Variants in SEC14L5 observed in about 807,000 individuals in gnomAD.
SEC14L5 encodes the protein SEC14-like protein 5.
Under a neutral mutation model 84.6 loss-of-function variants are expected in SEC14L5, and 96 were observed. The ratio of observed to expected loss-of-function variants is 1.13; its 90% CI spans 0.96 to 1.34. The LOEUF is 1.34. Ranked by LOEUF, SEC14L5 falls within the 40% of genes most tolerant of loss-of-function variation. The pLI, the probability that SEC14L5 is intolerant of heterozygous loss-of-function variation, is 0.00. For synonymous variants in SEC14L5, 546 were observed against 383.4 expected, an observed-to-expected ratio of 1.42 and a Z score of -4.95; for missense variants, 1,224 against 942.5, an observed-to-expected ratio of 1.30 and a Z score of -3.91.
At chr16:5,004,403 G>C (rs2142524259) in intron 11 of SEC14L5, among the ~76,000 whole-genome samples, 1 of 152,306 alleles carries the variant, frequency 6.6e-6, no homozygotes, top group Admixed American at 6.5e-5. Flanking sequence ...ACATCAGCCG[G>C]GGTCCTGGCT....
At chr16:4,979,236 T>C (rs1955389547) in intron 2 of SEC14L5, among the ~76,000 whole-genome samples, 1 of 152,074 alleles carries the variant, frequency 6.6e-6, no homozygotes, top group Non-Finnish European at 1.5e-5. Flanking sequence ...TGTGGGAGTG[T>C]CTTGAGTGTT....
chr16:5,003,229 C>G (rs904317412), intron 10 of SEC14L5, among the ~76,000 whole-genome samples, 173 bp from the exon 11 acceptor site: 4 of 152,252 alleles, frequency 2.6e-5, no homozygotes, highest in Non-Finnish European at 4.4e-5. Context: ...GCGCTCAGCC[C>G]TGAAGTCCAC....
chr16:4,993,251 A>G (rs1955571644), intron 6 of SEC14L5, among the ~76,000 whole-genome samples: 1 of 151,998 alleles, frequency 6.6e-6, no homozygotes, highest in South Asian at 2.1e-4. Context: ...TAATTAATTA[A>G]TTATTTTTGA....
At chr16:4,996,802 C>G (rs188469935) in intron 7 of SEC14L5, 53 bp from the exon 8 acceptor site, 1 of 1,405,440 alleles carries the variant, frequency 7.1e-7, no homozygotes, top group Non-Finnish European at 9.8e-7. Context: ...GTAATTTTAT[C>G]TGCTGGGTCA....
intron 6 of SEC14L5, among the ~76,000 whole-genome samples, chr16:4,993,003 A>G (rs1025401022): frequency 6.6e-6 from 1 of 151,936 alleles, no homozygotes; most frequent in Non-Finnish European, 1.5e-5. Flanking sequence ...TTCATACTTC[A>G]TAGTATGGTG....
intron 2 of SEC14L5, among the ~76,000 whole-genome samples, chr16:4,970,882 G>T (rs1264698541): frequency 6.6e-6 from 1 of 152,166 alleles, no homozygotes; most frequent in African/African-American, 2.4e-5. Context: ...GGCCGAGGCG[G>T]GTGGATCACG....
chr16:4,975,376 G>C (rs1033951270), intron 2 of SEC14L5, among the ~76,000 whole-genome samples: 8 of 149,360 alleles, frequency 5.4e-5, no homozygotes, highest in African/African-American at 1.7e-4. Context: ...GGGAGGCTGA[G>C]GCAGAAGAAT....
At chr16:4,997,345 C>T (rs917296391) in intron 8 of SEC14L5, among the ~76,000 whole-genome samples, 1 of 152,238 alleles carries the variant, frequency 6.6e-6, no homozygotes, top group African/African-American at 2.4e-5. Context: ...AGTGATCTAC[C>T]TGCCTTAGAC....
intron 2 of SEC14L5, among the ~76,000 whole-genome samples, chr16:4,977,298 T>A (rs1158000443): frequency 6.7e-6 from 1 of 150,052 alleles, no homozygotes; most frequent in African/African-American, 2.4e-5. Flanking sequence ...AGTACAAAAA[T>A]TAGTTGGGTG....
intron 2 of SEC14L5, among the ~76,000 whole-genome samples, chr16:4,966,572 C>A (rs1167644531): frequency 1.3e-5 from 2 of 152,130 alleles, no homozygotes; most frequent in Non-Finnish European, 2.9e-5. Context: ...CCGTGCCCAG[C>A]CCCAGACACT....
At position 5,015,236 on chromosome 16, in the gene SEC14L5, C is replaced by G. The variant is rs924464013; in HGVS notation, c.*266C>G. 8.4e-6 allele frequency: 4 copies of G among 473,450 alleles called. No individual in the cohort carries two copies. Among genetic ancestry groups the G allele is most frequent in the African/African-American group, 5.8e-5 (3 of 51,656 alleles). 29.3% of individuals were successfully genotyped at this position (473,450 alleles called of 1,614,324 possible). ...AGCCAAGGCCAAGGTGTCTACCATA[C>G]CACACCTTTGGGACATCCGGGCTTA... On this transcript the variant is annotated 3_prime_UTR_variant, in exon 16 of 16. Transcript: ENST00000251170.
chr16:5,001,072 G>A (rs1042039679), intron 10 of SEC14L5, 147 bp downstream of exon 10: 6 of 662,330 alleles, frequency 9.1e-6, no homozygotes, highest in Admixed American at 5.1e-5. Flanking sequence ...GGGCCTTGAG[G>A]CAGGGCCCGT....
intron 2 of SEC14L5, among the ~76,000 whole-genome samples, chr16:4,969,125 G>C (rs534154975): frequency 1.3e-5 from 2 of 152,380 alleles, no homozygotes; most frequent in Non-Finnish European, 2.9e-5. Flanking sequence ...TTTCTACCTT[G>C]AATGCTGCTC....
chr16:4,988,590 C>G (rs1955520758), intron 4 of SEC14L5, among the ~76,000 whole-genome samples: 1 of 152,138 alleles, frequency 6.6e-6, no homozygotes, highest in Non-Finnish European at 1.5e-5. Flanking sequence ...TATCCTCTCC[C>G]TCCTCTTTCC....
At chr16:4,964,441 C>G (rs989926028) in intron 2 of SEC14L5, among the ~76,000 whole-genome samples, 1 of 152,048 alleles carries the variant, frequency 6.6e-6, no homozygotes, top group Non-Finnish European at 1.5e-5. Flanking sequence ...ACAAAATTAC[C>G]TAAGTGTGGT....
rs1224643042 is a variant in SEC14L5 at position 4,991,913 on chromosome 16, GC to G, written c.554del (p.Pro185GlnfsTer62). ...GTSHIPRWTP[A>X]PVREEDARNQ... is the part of the protein sequence containing the mutation. Reference sequence around the variant, plus strand: ...CTCGCACATTCCGCGCTGGACGCCTGCCCCAGTCCGTGAGGAGGATGCCCGC... The same window carrying G: ...CTCGCACATTCCGCGCTGGACGCCTGCCCAGTCCGTGAGGAGGATGCCCGC... On this transcript the variant is annotated frameshift_variant, in exon 6 of 16. Coordinates refer to ENST00000251170, the MANE Select transcript of SEC14L5 (RefSeq NM_014692.2). LOFTEE classifies it high-confidence loss of function. The G allele has an allele frequency of 2.5e-6, 4 of 1,607,452 alleles. No individual in the cohort carries two copies.
intron 2 of SEC14L5, among the ~76,000 whole-genome samples, chr16:4,981,356 T>C (rs899331204): frequency 7.2e-6 from 1 of 139,512 alleles, no homozygotes; most frequent in Non-Finnish European, 1.5e-5. Context: ...AAATGATCCA[T>C]CCACCTCGGC....
At position 4,988,290 on chromosome 16, in the gene SEC14L5, G is replaced by T; in HGVS notation, c.345+10G>T. 6.2e-7 allele frequency: 1 copy of T among 1,613,158 alleles called. No individual in the cohort carries two copies. The highest frequency in any genetic ancestry group is 8.5e-7 in the Non-Finnish European group (1 of 1,179,608). ...GCACTGCAGCTACACGGTGAGCCCA[G>T]GCCACCCTCAGCGCCCACGCCCGGC... is the stretch of plus-strand genomic sequence containing the variant. On this transcript the variant is annotated intron_variant, in intron 4 of 15. Transcript: ENST00000251170.
At chr16:4,977,362 G>A (rs560244960) in intron 2 of SEC14L5, among the ~76,000 whole-genome samples, 5 of 132,484 alleles carry the variant, frequency 3.8e-5, no homozygotes, top group East Asian at 2.5e-4. Flanking sequence ...CAGGAGAATC[G>A]TTTGAACCCA....
Sources: gnomAD v4.1 joint callset for allele counts (sites outside exome capture counted in the v4.1 genomes callset) on GRCh38, gnomAD v4.1.1 for gene constraint, MANE v1.5 for transcripts, NCBI Gene and HGNC (gene_info 2026-07-23, HGNC 2026-07-21) for gene names.